Variants in CSMD1 observed in about 807,000 individuals in gnomAD.
CSMD1 encodes the protein CUB and Sushi multiple domains 1, also known as CUB and sushi domain-containing protein 1.
CSMD1 carries 213 observed loss-of-function variants against 417.5 expected under a neutral mutation model. The observed-to-expected ratio is 0.51, with a 90% CI of 0.46 to 0.57. The LOEUF (loss-of-function observed/expected upper bound fraction) is 0.57, where lower values mean the gene tolerates loss of function less well. Among genes scored for constraint, CSMD1 ranks in the 20% least tolerant of loss-of-function variants. The probability of loss-of-function intolerance (pLI) is 0.00; values close to 1 mark genes in which losing one functional copy is unlikely to be tolerated. For synonymous variants in CSMD1, 2,862 were observed against 1,736.8 expected, an observed-to-expected ratio of 1.65 and a Z score of -16.11; for missense variants, 6,923 against 4,529.7, an observed-to-expected ratio of 1.53 and a Z score of -15.17.
At chr8:3,400,118 T>C (rs1585107598) in intron 15 of CSMD1, among the ~76,000 whole-genome samples, 1 of 152,174 alleles carries the variant, frequency 6.6e-6, no homozygotes, top group African/African-American at 2.4e-5. Context: ...TGATTTGTAA[T>C]TGCAAAGGAG....
At chr8:4,143,427 G>C (rs1803916108) in intron 3 of CSMD1, among the ~76,000 whole-genome samples, 1 of 148,192 alleles carries the variant, frequency 6.7e-6, no homozygotes, top group Non-Finnish European at 1.5e-5. Flanking sequence ...CAGGCTGAAA[G>C]TTCGGATACC....
At chr8:4,570,647 G>A (rs905180127) in intron 2 of CSMD1, among the ~76,000 whole-genome samples, 1 of 152,158 alleles carries the variant, frequency 6.6e-6, no homozygotes, top group Non-Finnish European at 1.5e-5. Flanking sequence ...TTTGGATGAT[G>A]CTGGCCTCAT....
At chr8:4,173,830 T>G (rs1797895384) in intron 3 of CSMD1, among the ~76,000 whole-genome samples, 1 of 152,150 alleles carries the variant, frequency 6.6e-6, no homozygotes, top group Non-Finnish European at 1.5e-5. Flanking sequence ...TGATCAGGCT[T>G]CTCAGTTCTT....
intron 46 of CSMD1, among the ~76,000 whole-genome samples, chr8:3,097,682 T>C (rs1027255306): frequency 1.3e-5 from 2 of 152,242 alleles, no homozygotes; most frequent in Admixed American, 6.5e-5. Context: ...TTGTTATTTC[T>C]GGAATTTTTC....
intron 3 of CSMD1, among the ~76,000 whole-genome samples, chr8:4,058,420 TA>T (rs1205281478): frequency 6.6e-6 from 1 of 152,168 alleles, no homozygotes; most frequent in African/African-American, 2.4e-5. Context: ...CTTATCAGCT[TA>T]AGGAGATTTT....
intron 69 of CSMD1, among the ~76,000 whole-genome samples, chr8:2,939,791 C>T (rs534190379): frequency 3.3e-5 from 5 of 152,296 alleles, no homozygotes; most frequent in South Asian, 2.1e-4. Flanking sequence ...GGGAGAGGTC[C>T]GTGACATTGT....
chr8:4,846,483 A>T (rs1487206186), intron 1 of CSMD1, among the ~76,000 whole-genome samples: 1 of 152,172 alleles, frequency 6.6e-6, no homozygotes, highest in Non-Finnish European at 1.5e-5. Context: ...TGAGCCTGTG[A>T]CCAGCCTCCT....
intron 7 of CSMD1, among the ~76,000 whole-genome samples, chr8:3,662,932 C>G (rs754035109): frequency 3.9e-5 from 6 of 152,066 alleles, no homozygotes; most frequent in Admixed American, 1.3e-4. Context: ...GTGCAGCAAA[C>G]CACCATGGCA....
At chr8:3,807,516 G>A (rs755573796) in intron 5 of CSMD1, among the ~76,000 whole-genome samples, 1 of 152,150 alleles carries the variant, frequency 6.6e-6, no homozygotes, top group Non-Finnish European at 1.5e-5. Flanking sequence ...TACCAGGGCA[G>A]AGCTTCAACA....
chr8:3,901,287 C>T (rs772213591), intron 5 of CSMD1, among the ~76,000 whole-genome samples: 5 of 152,034 alleles, frequency 3.3e-5, no homozygotes, highest in African/African-American at 1.2e-4. Context: ...CCACTTTTTC[C>T]CTTTTTCTTT....
intron 5 of CSMD1, among the ~76,000 whole-genome samples, chr8:3,905,955 C>G (rs1808080144): frequency 6.6e-6 from 1 of 152,164 alleles, no homozygotes; most frequent in Admixed American, 6.5e-5. Flanking sequence ...TCAACCATAC[C>G]TTTTGATTTT....
intron 1 of CSMD1, among the ~76,000 whole-genome samples, chr8:4,790,321 C>G (rs1797624734): frequency 6.6e-6 from 1 of 152,070 alleles, no homozygotes; most frequent in Non-Finnish European, 1.5e-5. Context: ...AGAAAGAAAT[C>G]AGAGATGACA....
At chr8:3,839,033 A>G (rs1391085167) in intron 5 of CSMD1, among the ~76,000 whole-genome samples, 1 of 127,962 alleles carries the variant, frequency 7.8e-6, no homozygotes, top group African/African-American at 2.9e-5. Context: ...TATTATATAT[A>G]TTTATTATAT....
chr8:2,963,468 T>C lies in CSMD1; in HGVS notation c.9281-73A>G, dbSNP rs570578135. 119 of 1,468,894 alleles carry C rather than the reference T, an allele frequency of 8.1e-5. No individual in the cohort carries two copies. The African/African-American group carries it at 1.2e-3, about 15-fold the overall frequency. The allele number at this position is 1,468,894 out of a possible 1,614,324, so 91.0% of individuals were successfully genotyped here. ...AGCGGTGATGTTCAAACGATTCCCA[T>C]TTTAATTTTACCTGAATTACAAATG... On this transcript the variant is annotated intron_variant, in intron 59 of 69. Coordinates refer to ENST00000635120, the MANE Select transcript of CSMD1 (RefSeq NM_033225.6).
intron 3 of CSMD1, among the ~76,000 whole-genome samples, chr8:4,041,489 CA>C (rs1797893093): frequency 6.6e-6 from 1 of 152,160 alleles, no homozygotes; most frequent in African/African-American, 2.4e-5. Context: ...AACTGTTCCA[CA>C]AATAGTCAAC....
chr8:3,446,278 G>A (rs902636459), intron 12 of CSMD1, among the ~76,000 whole-genome samples: 20 of 152,140 alleles, frequency 1.3e-4, no homozygotes, highest in African/African-American at 4.6e-4. Flanking sequence ...GTGCTGCATG[G>A]GCTATTGTAA....
rs572184102 is a variant in CSMD1, at chr8:4,353,459, TGAGAA to T, written c.415+66489_415+66493del. Among the ~76,000 whole-genome samples, 1,170 of 152,180 alleles carry T rather than the reference TGAGAA, an allele frequency of 7.7e-3. 17 individuals carry two copies. Among genetic ancestry groups the T allele is most frequent in the Non-Finnish European group, 9.8e-3 (668 of 68,018 alleles). ...CTCGAGTATGTCTTTATTAGCAGTG[TGAGAA>T]AAGAATAATACATTCTTTAATTAAA... On this transcript the variant is annotated intron_variant, in intron 3 of 69. Coordinates refer to ENST00000635120, the MANE Select transcript of CSMD1 (RefSeq NM_033225.6).
chr8:4,200,806 TATTGTTAGGCCACTGCACTCTCGCCTGA>T (rs1482193332), intron 3 of CSMD1, among the ~76,000 whole-genome samples: 1 of 152,202 alleles, frequency 6.6e-6, no homozygotes, highest in East Asian at 1.9e-4. Context: ...TTCAGTGAAC[TATTGTTAGGCCACTGCACTCTCGCCTGA>T]GTGACAAAGT....
chr8:4,518,432 CATATA>C (rs957927528), intron 2 of CSMD1, among the ~76,000 whole-genome samples: 17 of 151,960 alleles, frequency 1.1e-4, no homozygotes, highest in Admixed American at 1.1e-3. Flanking sequence ...GTGAGGGAAA[CATATA>C]AGACATAAAC....
Sources: gnomAD v4.1 joint callset for allele counts (sites outside exome capture counted in the v4.1 genomes callset) on GRCh38, gnomAD v4.1.1 for gene constraint, MANE v1.5 for transcripts, NCBI Gene and HGNC (gene_info 2026-07-23, HGNC 2026-07-21) for gene names.